CAMK2D: variants seen among roughly 807,000 people sequenced by gnomAD.
CAMK2D encodes the protein calcium/calmodulin dependent protein kinase II delta.
A neutral mutation model predicts 84.0 loss-of-function variants in CAMK2D; 37 were observed. The observed-to-expected ratio is 0.44, with a 90% CI of 0.34 to 0.58. The LOEUF is 0.58. CAMK2D is among the 20% of genes least tolerant of loss of function. The probability of loss-of-function intolerance (pLI) is 0.02; values close to 1 mark genes in which losing one functional copy is unlikely to be tolerated. For missense variants in CAMK2D, 448 were observed against 652.5 expected (o/e 0.69, Z 3.41); for synonymous variants, 202 against 212.5 (o/e 0.95, Z 0.43).
chr4:113,760,539 G>T (rs2099638827), intron 1 of CAMK2D, among the ~76,000 whole-genome samples: 1 of 152,130 alleles, frequency 6.6e-6, no homozygotes, highest in Non-Finnish European at 1.5e-5. Flanking sequence ...CACCGTCTGA[G>T]GCTGTGAGTT....
chr4:113,500,830 G>A (rs2098029346), intron 15 of CAMK2D, among the ~76,000 whole-genome samples: 1 of 151,988 alleles, frequency 6.6e-6, no homozygotes, highest in Non-Finnish European at 1.5e-5. Context: ...TGCCCTATAA[G>A]GTTTGCTTTT....
chr4:113,704,367 T>C (rs899592601), intron 2 of CAMK2D, among the ~76,000 whole-genome samples: 3 of 152,016 alleles, frequency 2.0e-5, no homozygotes, highest in Non-Finnish European at 2.9e-5. Context: ...ACTAAAAAAA[T>C]TGACTTTATT....
intron 3 of CAMK2D, among the ~76,000 whole-genome samples, chr4:113,613,811 T>C (rs1335105279): frequency 6.6e-6 from 1 of 152,092 alleles, no homozygotes. Context: ...ATCATTTTCA[T>C]TTCCAAAAAT....
At chr4:113,678,785 T>C (rs907460647) in intron 2 of CAMK2D, among the ~76,000 whole-genome samples, 2 of 152,110 alleles carry the variant, frequency 1.3e-5, no homozygotes, top group African/African-American at 4.8e-5. Flanking sequence ...CCACAGGCAT[T>C]TCCTTCACCC....
At chr4:113,715,545 T>G (rs192649622) in intron 2 of CAMK2D, among the ~76,000 whole-genome samples, 257 of 152,238 alleles carry the variant, frequency 1.7e-3, no homozygotes, top group African/African-American at 5.8e-3. Flanking sequence ...AATATATAGT[T>G]AGGTTTTTAG....
intron 2 of CAMK2D, among the ~76,000 whole-genome samples, chr4:113,667,495 T>C (rs1241670537): frequency 2.0e-5 from 3 of 152,226 alleles, no homozygotes; most frequent in African/African-American, 7.2e-5. Flanking sequence ...AGAGGCCTTC[T>C]TCCTGGAGGT....
chr4:113,464,233 T>C (rs866566036), intron 17 of CAMK2D, among the ~76,000 whole-genome samples: 1 of 152,220 alleles, frequency 6.6e-6, no homozygotes, highest in South Asian at 2.1e-4. Context: ...TTAGTAAACA[T>C]GAATATGCCT....
intron 7 of CAMK2D, among the ~76,000 whole-genome samples, chr4:113,536,437 T>C (rs757175): frequency 0.63 from 96,498 of 152,036 alleles, 32,427 homozygotes; most frequent in African/African-American, 0.86. Flanking sequence ...CTCAGAAAAG[T>C]ATTTGCATAT....
At chr4:113,747,011 G>C (rs1318593798) in intron 2 of CAMK2D, among the ~76,000 whole-genome samples, 9 of 146,594 alleles carry the variant, frequency 6.1e-5, no homozygotes, top group Admixed American at 6.1e-4. Flanking sequence ...GTAAAACAAT[G>C]ATCCTTTTTA....
chr4:113,639,555 C>T (rs765869277), intron 3 of CAMK2D, among the ~76,000 whole-genome samples: 27 of 152,096 alleles, frequency 1.8e-4, no homozygotes, highest in Non-Finnish European at 3.7e-4. Context: ...CACCTTTGTA[C>T]ACTACAACAC....
intron 8 of CAMK2D, among the ~76,000 whole-genome samples, chr4:113,522,278 C>T (rs986846521): frequency 6.6e-6 from 1 of 152,106 alleles, no homozygotes; most frequent in African/African-American, 2.4e-5. Flanking sequence ...AAGACAGTTA[C>T]TGAATATTCT....
chr4:113,720,685 T>C (rs2148616696), intron 2 of CAMK2D, among the ~76,000 whole-genome samples: 1 of 150,264 alleles, frequency 6.7e-6, no homozygotes, highest in Admixed American at 6.6e-5. Context: ...AAAATAATAA[T>C]TTTAACAATA....
At position 113,506,296 on chromosome 4, in the gene CAMK2D, C is replaced by T. The variant is rs1046265724; in HGVS notation, c.985-1261G>A. 7.5e-4 allele frequency among the ~76,000 whole-genome samples: 114 copies of T among 152,024 alleles called. 4 individuals carry two copies. Among genetic ancestry groups the T allele is most frequent in the Admixed American group, 2.6e-4 (4 of 15,262 alleles). ...GTAATATTTTTCCTTTCTTTTCATT[C>T]CCTTTTGTCTGATTACTGGTATCGT... On this transcript the variant is annotated intron_variant, in intron 13 of 20. Coordinates refer to ENST00000511664, the MANE Select transcript of CAMK2D (RefSeq NM_001321571.2).
At chr4:113,592,032 G>A (rs2098889910) in intron 4 of CAMK2D, among the ~76,000 whole-genome samples, 1 of 152,094 alleles carries the variant, frequency 6.6e-6, no homozygotes, top group Non-Finnish European at 1.5e-5. Context: ...CATATAATTA[G>A]TACTTAATAA....
At chr4:113,611,554 C>G (rs1174145935) in intron 3 of CAMK2D, among the ~76,000 whole-genome samples, 1 of 152,078 alleles carries the variant, frequency 6.6e-6, no homozygotes, top group East Asian at 1.9e-4. Context: ...GTGTCCAGAT[C>G]GAAGAGGTAT....
At chr4:113,553,478 T>C (rs1171295465) in intron 4 of CAMK2D, among the ~76,000 whole-genome samples, 1 of 152,354 alleles carries the variant, frequency 6.6e-6, no homozygotes, top group East Asian at 1.9e-4. Flanking sequence ...TATTAAGTTC[T>C]GAAACATCAT....
intron 4 of CAMK2D, among the ~76,000 whole-genome samples, chr4:113,555,351 G>C (rs918155128): frequency 4.6e-5 from 7 of 152,176 alleles, no homozygotes; most frequent in Admixed American, 4.6e-4. Context: ...CAGGAACCAA[G>C]AGCGGCACCC....
At chr4:113,700,567 T>TA (rs1206659757) in intron 2 of CAMK2D, among the ~76,000 whole-genome samples, 2 of 151,748 alleles carry the variant, frequency 1.3e-5, no homozygotes, top group Non-Finnish European at 2.9e-5. Context: ...ACAACAAAAA[T>TA]AAAAAAACAC....
At chr4:113,629,385 T>C (rs1463667699) in intron 3 of CAMK2D, among the ~76,000 whole-genome samples, 1 of 152,112 alleles carries the variant, frequency 6.6e-6, no homozygotes, top group African/African-American at 2.4e-5. Flanking sequence ...TGGCATTAAC[T>C]GACAAAAGGT....
Sources: gnomAD v4.1 joint callset for allele counts (sites outside exome capture counted in the v4.1 genomes callset) on GRCh38, gnomAD v4.1.1 for gene constraint, MANE v1.5 for transcripts, NCBI Gene and HGNC (gene_info 2026-07-23, HGNC 2026-07-21) for gene names.